TNNI3K: variants seen among roughly 807,000 people sequenced by gnomAD.
TNNI3K encodes TNNI3 interacting kinase, also known as serine/threonine-protein kinase TNNI3K.
In TNNI3K, 140 loss-of-function variants were observed where a neutral mutation model predicts 114.5. The observed-to-expected ratio is 1.22, with a 90% confidence interval of 1.07 to 1.41. TNNI3K has a LOEUF of 1.41. TNNI3K is among the 40% of genes most tolerant of loss of function. TNNI3K has a pLI of 0.00. For missense variants in TNNI3K, 1,125 were observed against 1,007.6 expected (o/e 1.12, Z -1.58); for synonymous variants, 347 against 347.5 (o/e 1.00, Z 0.02).
At chr1:74,295,792 CTAA>C (rs1243338058) in intron 5 of TNNI3K, among the ~76,000 whole-genome samples, 2 of 152,076 alleles carry the variant, frequency 1.3e-5, no homozygotes, top group South Asian at 2.1e-4. Context: ...AAATTTGAGA[CTAA>C]TAATATTCCG....
chr1:74,242,330 A>G (rs1456059687), intron 2 of TNNI3K, among the ~76,000 whole-genome samples: 1 of 152,194 alleles, frequency 6.6e-6, no homozygotes, highest in Admixed American at 6.5e-5. Context: ...CACAATGTAT[A>G]GAGGAAATAA....
chr1:74,237,526 G>C (rs1202747926), intron 2 of TNNI3K, among the ~76,000 whole-genome samples: 1 of 151,852 alleles, frequency 6.6e-6, no homozygotes, highest in Non-Finnish European at 1.5e-5. Context: ...TTTTAATTTA[G>C]AAAGTATTGA....
intron 9 of TNNI3K, among the ~76,000 whole-genome samples, chr1:74,349,494 T>A (rs899268794): frequency 2.0e-5 from 3 of 152,168 alleles, no homozygotes; most frequent in South Asian, 2.1e-4. Flanking sequence ...ATAAAATGAG[T>A]TAGGGAGGAT....
intron 20 of TNNI3K, among the ~76,000 whole-genome samples, chr1:74,444,598 C>T (rs1342370852): frequency 1.3e-5 from 2 of 152,052 alleles, no homozygotes; most frequent in Admixed American, 6.6e-5. Context: ...ATGAAAATGG[C>T]CAGACTGCCC....
rs567561413 is a variant in TNNI3K at position 74,388,704 on chromosome 1, G to C, written c.1772+18312G>C. ...ATCTGAAAAATATAACAAGGAAAAC[G>C]GTTCTCATATTTGAATATTTTCCTG... On this transcript the variant is annotated intron_variant, in intron 17 of 24. Coordinates refer to ENST00000326637, the MANE Select transcript of TNNI3K (RefSeq NM_015978.3). Among the ~76,000 whole-genome samples, 3 of 151,930 alleles carry C rather than the reference G, an allele frequency of 2.0e-5. No individual in the cohort carries two copies. In the South Asian group the frequency reaches 6.3e-4, roughly 32 times the overall value.
At chr1:74,399,103 C>A (rs1276056604) in intron 17 of TNNI3K, among the ~76,000 whole-genome samples, 1 of 149,258 alleles carries the variant, frequency 6.7e-6, no homozygotes, top group East Asian at 2.0e-4. Flanking sequence ...TTGCAGTGAG[C>A]CGCCCAGATC....
chr1:74,534,382 T>C (rs575169044), intron 23 of TNNI3K, among the ~76,000 whole-genome samples: 1 of 152,304 alleles, frequency 6.6e-6, no homozygotes, highest in Non-Finnish European at 1.5e-5. Context: ...TGCAATTCAG[T>C]CAGAAGCAAT....
At chr1:74,240,403 G>A (rs1654117673) in intron 2 of TNNI3K, 1 of 152,350 alleles carries the variant, frequency 6.6e-6, no homozygotes, top group African/African-American at 2.4e-5. Flanking sequence ...TCTGAAGTAA[G>A]TGTTGCAATT....
At chr1:74,456,791 A>G (rs972389507) in intron 20 of TNNI3K, among the ~76,000 whole-genome samples, 11 of 152,176 alleles carry the variant, frequency 7.2e-5, no homozygotes, top group African/African-American at 2.4e-4. Flanking sequence ...AATTTTTTCT[A>G]GGCAGGTTTT....
chr1:74,442,707 T>A (rs1198358696), intron 20 of TNNI3K, among the ~76,000 whole-genome samples: 1 of 152,146 alleles, frequency 6.6e-6, no homozygotes, highest in African/African-American at 2.4e-5. Flanking sequence ...ATCTATTTTG[T>A]GTCTCTTGAT....
chr1:74,364,194 G>A (rs909064225), intron 11 of TNNI3K, among the ~76,000 whole-genome samples: 56 of 151,580 alleles, frequency 3.7e-4, no homozygotes, highest in African/African-American at 1.3e-3. Flanking sequence ...TTTAGAAATA[G>A]GGGTCATGCT....
chr1:74,463,441 C>G lies in TNNI3K; in HGVS notation c.2012C>G (p.Ala671Gly). ...GEIPFAHLKPAAAAADMAYHH... is the reference protein window; with the variant it reads ...GEIPFAHLKPGAAAADMAYHH... Reference sequence around the variant, plus strand: ...ACTGACATGACCATTTGGTTTGCAGCGGCTGCGGCAGCAGACATGGCTTAC... The same window carrying G: ...ACTGACATGACCATTTGGTTTGCAGGGGCTGCGGCAGCAGACATGGCTTAC... The change falls in exon 21 of 25, where the codon GCG (alanine) becomes GGG (glycine). Residue 671 changes from alanine to glycine, a missense_variant and splice_region_variant. Transcript: ENST00000326637. The G allele has an allele frequency of 9.3e-6, 15 of 1,614,092 alleles. No individual in the cohort carries two copies. The highest frequency in any genetic ancestry group is 1.3e-5 in the Non-Finnish European group (15 of 1,179,980).
intron 5 of TNNI3K, among the ~76,000 whole-genome samples, chr1:74,318,510 C>A (rs189043263): frequency 1.2e-4 from 19 of 152,312 alleles, no homozygotes; most frequent in African/African-American, 4.6e-4. Flanking sequence ...CGGGCACATG[C>A]TCTGTGCCAG....
chr1:74,271,765 G>A (rs1176906586), intron 5 of TNNI3K, 57 bp downstream of exon 5: 2 of 1,415,438 alleles, frequency 1.4e-6, no homozygotes, highest in African/African-American at 2.9e-5. Context: ...TTCGGTTGTT[G>A]TTCTTAACTG....
chr1:74,295,797 A>G (rs1241107667), intron 5 of TNNI3K, among the ~76,000 whole-genome samples: 1 of 152,108 alleles, frequency 6.6e-6, no homozygotes, highest in African/African-American at 2.4e-5. Flanking sequence ...TGAGACTAAT[A>G]ATATTCCGTC....
At chr1:74,302,912 G>C (rs991122089) in intron 5 of TNNI3K, among the ~76,000 whole-genome samples, 1 of 152,186 alleles carries the variant, frequency 6.6e-6, no homozygotes, top group Non-Finnish European at 1.5e-5. Context: ...TTTTAATGTA[G>C]ATGAAACAGT....
chr1:74,368,401 A>G (rs1662395577), intron 13 of TNNI3K, among the ~76,000 whole-genome samples: 1 of 151,892 alleles, frequency 6.6e-6, no homozygotes, highest in African/African-American at 2.4e-5. Flanking sequence ...GAAAGTAAAA[A>G]CTTTGATTCA....
intron 17 of TNNI3K, among the ~76,000 whole-genome samples, chr1:74,380,786 A>G (rs1456332442): frequency 6.6e-6 from 1 of 152,088 alleles, no homozygotes; most frequent in Non-Finnish European, 1.5e-5. Flanking sequence ...CCTTTCAATA[A>G]TGATATTAAT....
chr1:74,347,977 G>A, intron 9 of TNNI3K, among the ~76,000 whole-genome samples: 1 of 152,108 alleles, frequency 6.6e-6, no homozygotes, highest in Non-Finnish European at 1.5e-5. Flanking sequence ...GGTTTCTTTT[G>A]CTGTGCAGAA....
Sources: allele counts gnomAD v4.1 joint callset (sites outside exome capture counted in the v4.1 genomes callset), GRCh38; gene constraint gnomAD v4.1.1; transcripts MANE v1.5; gene names NCBI Gene and HGNC (gene_info 2026-07-23, HGNC 2026-07-21).